Variants in LRGUK observed in about 807,000 individuals in gnomAD.
LRGUK encodes the protein leucine-rich repeat and guanylate kinase domain-containing protein.
A neutral mutation model predicts 76.0 loss-of-function variants in LRGUK; 65 were observed. The observed-to-expected ratio is 0.85, with a 90% CI of 0.70 to 1.05. The LOEUF is 1.05. Ranked by LOEUF, LRGUK falls within the 50% of genes least tolerant of loss-of-function variation. The pLI is 0.00. For synonymous variants in LRGUK, 268 were observed against 265.6 expected (o/e 1.01, Z -0.09); for missense variants, 758 against 732.8 (o/e 1.03, Z -0.40).
rs566781429 is a variant in LRGUK at position 134,184,490 on chromosome 7, C to T, written c.1334+637C>T. On this transcript the variant is annotated intron_variant, in intron 11 of 15. Coordinates refer to ENST00000645682, the Ensembl canonical transcript of LRGUK. ...TTCACCATGTTAGTCAGGATAGTCTCGATCTCCTGACCTCATGATCCTCCC... is the reference window on the plus strand; with the variant it reads ...TTCACCATGTTAGTCAGGATAGTCTTGATCTCCTGACCTCATGATCCTCCC... 5.3e-5 allele frequency among the ~76,000 whole-genome samples: 8 copies of T among 152,088 alleles called. 2 individuals are homozygous for T. The highest frequency in any genetic ancestry group is 1.9e-4 in the African/African-American group (8 of 41,506).
At chr7:134,143,964 T>C (rs146801267) in intron 4 of LRGUK, among the ~76,000 whole-genome samples, 165 of 152,318 alleles carry the variant, frequency 1.1e-3, no homozygotes, top group African/African-American at 3.7e-3. Flanking sequence ...CAGAGAGAAG[T>C]GGTTCCCACA....
chr7:134,221,904 A>G (rs1159708342), exon 16 of LRGUK: 2 of 1,590,280 alleles, frequency 1.3e-6, no homozygotes, highest in African/African-American at 2.7e-5. Flanking sequence ...ACTTTCAGCC[A>G]AAAAAACACC....
intron 10 of LRGUK, among the ~76,000 whole-genome samples, chr7:134,178,934 A>AAAAAAAAAAAAAAAAAC (rs376955591): frequency 6.4e-5 from 5 of 78,162 alleles, no homozygotes; most frequent in East Asian, 5.1e-4. Flanking sequence ...CTCAAAAAAA[A>AAAAAAAAAAAAAAAAAC]AAAAAAAAAA....
At chr7:134,159,376 T>G in intron 6 of LRGUK, among the ~76,000 whole-genome samples, 1 of 151,866 alleles carries the variant, frequency 6.6e-6, no homozygotes, top group South Asian at 2.1e-4. Flanking sequence ...ACATCTTGGA[T>G]TATCTGCTGA....
At chr7:134,149,748 T>C (rs909591085) in intron 5 of LRGUK, among the ~76,000 whole-genome samples, 6 of 152,150 alleles carry the variant, frequency 3.9e-5, no homozygotes, top group African/African-American at 1.4e-4. Context: ...TTGACTATCA[T>C]GTATTTTGAG....
intron 15 of LRGUK, among the ~76,000 whole-genome samples, chr7:134,206,420 C>G (rs1801010964): frequency 6.6e-6 from 1 of 152,042 alleles, no homozygotes. Flanking sequence ...GAGGCTGAGG[C>G]AGGAGAATCG....
intron 16 of LRGUK, among the ~76,000 whole-genome samples, chr7:134,228,157 C>T (rs974710190): frequency 1.3e-5 from 2 of 152,146 alleles, no homozygotes; most frequent in African/African-American, 4.8e-5. Flanking sequence ...ATTAGGTTGA[C>T]AGCGACTTTC....
chr7:134,153,573 C>CTA (rs1268182562), intron 5 of LRGUK, among the ~76,000 whole-genome samples: 1 of 152,086 alleles, frequency 6.6e-6, no homozygotes, highest in African/African-American at 2.4e-5. Context: ...GTGCTAATCA[C>CTA]TATTTTATTT....
intron 19 of LRGUK, among the ~76,000 whole-genome samples, chr7:134,262,737 G>A (rs1278235253): frequency 2.6e-5 from 4 of 152,186 alleles, no homozygotes; most frequent in African/African-American, 9.7e-5. Flanking sequence ...GGAGGCCAAG[G>A]CGGGAGGATC....
chr7:134,143,666 CTTTTT>C lies in LRGUK; in HGVS notation c.588+505_588+509del, dbSNP rs1797860345. Among the ~76,000 whole-genome samples the C allele has an allele frequency of 3.9e-5, 6 of 152,080 alleles. No homozygotes were observed. The South Asian group carries it at 1.2e-3, about 31-fold the overall frequency. On this transcript the variant is annotated intron_variant, in intron 4 of 15. Coordinates refer to ENST00000645682, the Ensembl canonical transcript of LRGUK. Reference sequence around the variant, plus strand: ...TTGCCCTTTTATTTATCTAACTTTACTTTTTAAGAAAATAATGCTTTCAGATCTCC... The same window carrying C: ...TTGCCCTTTTATTTATCTAACTTTACAAGAAAATAATGCTTTCAGATCTCC...
At chr7:134,172,835 G>T (rs1327164389) in intron 7 of LRGUK, among the ~76,000 whole-genome samples, 1 of 151,844 alleles carries the variant, frequency 6.6e-6, no homozygotes, top group Non-Finnish European at 1.5e-5. Context: ...ACAAAAATTA[G>T]CTAGGCTTGG....
At position 134,155,196 on chromosome 7, in the gene LRGUK, G is replaced by A. The variant is rs1798404448; in HGVS notation, c.671-2839G>A. Among the ~76,000 whole-genome samples, 3 of 152,088 alleles carry A rather than the reference G, an allele frequency of 2.0e-5. No individual in the cohort carries two copies. In the South Asian group the frequency reaches 6.2e-4, roughly 32 times the overall value. On this transcript the variant is annotated intron_variant, in intron 5 of 15. Coordinates refer to ENST00000645682, the Ensembl canonical transcript of LRGUK. ...TTGCCAAAGATTGCCTGCTCCAAGGGTATTTTATTTCATCCATACCTGAGT... is the reference window on the plus strand; with the variant it reads ...TTGCCAAAGATTGCCTGCTCCAAGGATATTTTATTTCATCCATACCTGAGT...
At chr7:134,206,069 G>T (rs527599932) in intron 15 of LRGUK, among the ~76,000 whole-genome samples, 1 of 152,336 alleles carries the variant, frequency 6.6e-6, no homozygotes, top group African/African-American at 2.4e-5. Context: ...AGGTTTATCA[G>T]TTCTGAGTAC....
At chr7:134,131,557 C>T (rs1055337734) in intron 1 of LRGUK, among the ~76,000 whole-genome samples, 1 of 152,124 alleles carries the variant, frequency 6.6e-6, no homozygotes, top group Non-Finnish European at 1.5e-5. Context: ...CAGGTGAGAA[C>T]AGAAGAAGCC....
chr7:134,237,043 T>G (rs1015447172), intron 16 of LRGUK, among the ~76,000 whole-genome samples: 19 of 124,778 alleles, frequency 1.5e-4, no homozygotes, highest in Admixed American at 7.7e-4. Context: ...TAAATGCTTT[T>G]CTCTTTCTTT....
At chr7:134,191,795 T>A in intron 12 of LRGUK, 44 bp downstream of exon 12, 2 of 1,257,968 alleles carry the variant, frequency 1.6e-6, no homozygotes, top group Non-Finnish European at 2.3e-6. Flanking sequence ...GAAATACACG[T>A]TCTCTGGCAA....
At chr7:134,154,745 G>A (rs1037563722) in intron 5 of LRGUK, among the ~76,000 whole-genome samples, 1 of 152,234 alleles carries the variant, frequency 6.6e-6, no homozygotes, top group Admixed American at 6.5e-5. Context: ...ATTGCAGTGA[G>A]CATCTGAATT....
chr7:134,224,418 C>T lies in LRGUK; in HGVS notation c.1983+2500C>T, dbSNP rs78767330. ...TTAGGGATCATGTCCTTTGCAGGAA[C>T]GTGGAGGCCATTATCCTTAGTAAAC... On this transcript the variant is annotated intron_variant, in intron 16 of 19. Coordinates refer to the LRGUK transcript ENST00000285928. Among the ~76,000 whole-genome samples, 1,861 of 152,226 alleles carry T rather than the reference C, an allele frequency of 0.012. 79 individuals are homozygous for T. In the East Asian group the frequency reaches 0.13, roughly 11 times the overall value.
At position 134,140,029 on chromosome 7, in the gene LRGUK, C is replaced by G. The variant is rs550215606; in HGVS notation, c.487+512C>G. Among the ~76,000 whole-genome samples the G allele has an allele frequency of 2.9e-4, 44 of 152,190 alleles. 1 individual carries two copies. The South Asian group carries it at 8.9e-3, about 31-fold the overall frequency. ...TGTTGCCCAGGCTGGAGTGCAGTGG[C>G]ATGATCACAACTCACTGCAACCTCC... On this transcript the variant is annotated intron_variant, in intron 3 of 15. Transcript: ENST00000645682.
Sources: gnomAD v4.1 joint callset for allele counts (sites outside exome capture counted in the v4.1 genomes callset) on GRCh38, gnomAD v4.1.1 for gene constraint, MANE v1.5 for transcripts, NCBI Gene and HGNC (gene_info 2026-07-23, HGNC 2026-07-21) for gene names.